Variants in CPNE4 observed in about 807,000 individuals in gnomAD.
CPNE4 encodes the protein copine-4.
In CPNE4, 25 loss-of-function variants were observed where a neutral mutation model predicts 67.9. The observed-to-expected ratio is 0.37, with a 90% CI of 0.27 to 0.51. The LOEUF is 0.51. Among genes scored for constraint, CPNE4 ranks in the 20% least tolerant of loss-of-function variants. CPNE4 has a pLI of 0.93. For synonymous variants in CPNE4, 242 were observed against 244.9 expected (o/e 0.99, Z 0.11); for missense variants, 464 against 690.8 (o/e 0.67, Z 3.68).
intron 1 of CPNE4, among the ~76,000 whole-genome samples, chr3:131,960,237 C>T (rs929524698): frequency 1.3e-5 from 2 of 151,986 alleles, no homozygotes; most frequent in Non-Finnish European, 2.9e-5. Flanking sequence ...TATCTTCTGA[C>T]AATGTTTATT....
At chr3:131,928,928 G>C (rs956833892) in intron 1 of CPNE4, among the ~76,000 whole-genome samples, 9 of 152,150 alleles carry the variant, frequency 5.9e-5, no homozygotes, top group Non-Finnish European at 4.4e-5. Context: ...AGGAGGCTCT[G>C]GATGGTGTCC....
intron 2 of CPNE4, among the ~76,000 whole-genome samples, chr3:131,873,043 AAAAT>A (rs2087287568): frequency 6.6e-6 from 1 of 152,224 alleles, no homozygotes; most frequent in African/African-American, 2.4e-5. Flanking sequence ...ACGGTAATAG[AAAAT>A]AAATAGTGAT....
intron 2 of CPNE4, among the ~76,000 whole-genome samples, chr3:131,731,298 T>C (rs1380519188): frequency 6.6e-6 from 1 of 152,220 alleles, no homozygotes; most frequent in Non-Finnish European, 1.5e-5. Flanking sequence ...GGTTGCATCC[T>C]TGCTTAGGAA....
chr3:131,797,588 G>A (rs183462672), intron 2 of CPNE4, among the ~76,000 whole-genome samples: 7 of 152,238 alleles, frequency 4.6e-5, no homozygotes, highest in East Asian at 3.9e-4. Context: ...CTAGGACCAC[G>A]GAAATGAGAA....
At chr3:131,917,992 T>C (rs1381607263) in intron 1 of CPNE4, among the ~76,000 whole-genome samples, 1 of 152,184 alleles carries the variant, frequency 6.6e-6, no homozygotes, top group African/African-American at 2.4e-5. Flanking sequence ...GCAAGAGTAA[T>C]ACTCATGGAC....
intron 14 of CPNE4, among the ~76,000 whole-genome samples, chr3:131,544,380 A>G (rs1440906109): frequency 6.6e-6 from 1 of 152,184 alleles, no homozygotes; most frequent in Non-Finnish European, 1.5e-5. Context: ...GAAAAATGTA[A>G]GCTGGAGGTA....
chr3:131,578,887 T>A (rs1455473721), intron 9 of CPNE4, among the ~76,000 whole-genome samples: 1 of 152,200 alleles, frequency 6.6e-6, no homozygotes, highest in Admixed American at 6.5e-5. Flanking sequence ...AGAAACTGTC[T>A]CTGTAACATA....
At position 131,926,190 on chromosome 3, in the gene CPNE4, C is replaced by CA. The variant is rs1355018877; in HGVS notation, c.-1-20747dup. Among the ~76,000 whole-genome samples the CA allele has an allele frequency of 4.6e-5, 7 of 152,020 alleles. No homozygotes were observed. In the East Asian group the frequency reaches 1.2e-3, roughly 25 times the overall value. ...GGCAGGTGTGAGTCAGAGGGGTTAA[C>CA]AAAAAAATTGTGAGAAACCCCAAGG... On this transcript the variant is annotated intron_variant, in intron 1 of 15. Coordinates refer to ENST00000429747, the MANE Select transcript of CPNE4 (RefSeq NM_130808.3).
In CPNE4 at chr3:131,807,315, T is replaced by C. The variant is rs561343020; in HGVS notation, c.181-83690A>G. ...GGGCATCTCACAGGCAAATTTATAGTTTTGGGTTTTAAAAATTGTTTCTAA... is the reference window on the plus strand; with the variant it reads ...GGGCATCTCACAGGCAAATTTATAGCTTTGGGTTTTAAAAATTGTTTCTAA... On this transcript the variant is annotated intron_variant, in intron 2 of 15. Coordinates refer to ENST00000429747, the MANE Select transcript of CPNE4 (RefSeq NM_130808.3). Among the ~76,000 whole-genome samples the C allele has an allele frequency of 7.9e-5, 12 of 152,266 alleles. No individual in the cohort carries two copies. In the South Asian group the frequency reaches 2.3e-3, roughly 29 times the overall value.
chr3:131,757,762 A>G (rs924982446), intron 2 of CPNE4, among the ~76,000 whole-genome samples: 2 of 152,196 alleles, frequency 1.3e-5, no homozygotes, highest in African/African-American at 4.8e-5. Flanking sequence ...AAGTGGTTTC[A>G]TGGGCTGAGC....
intron 14 of CPNE4, among the ~76,000 whole-genome samples, chr3:131,545,992 T>C (rs1426911454): frequency 6.6e-6 from 1 of 151,824 alleles, no homozygotes; most frequent in East Asian, 1.9e-4. Flanking sequence ...AACTAGGGAG[T>C]CAGAGGTTGC....
At chr3:131,814,893 C>G (rs937596444) in intron 2 of CPNE4, among the ~76,000 whole-genome samples, 5 of 136,324 alleles carry the variant, frequency 3.7e-5, no homozygotes, top group African/African-American at 7.5e-5. Flanking sequence ...CGTGAGCCAC[C>G]GCGCCCGGCC....
intron 1 of CPNE4, among the ~76,000 whole-genome samples, chr3:132,006,671 G>A (rs1026916461): frequency 6.9e-6 from 1 of 145,110 alleles, no homozygotes; most frequent in Non-Finnish European, 1.5e-5. Flanking sequence ...TTTTGTTGTT[G>A]TTCTCTGGGC....
chr3:131,769,427 T>C (rs181810861), intron 2 of CPNE4, among the ~76,000 whole-genome samples: 2 of 152,216 alleles, frequency 1.3e-5, no homozygotes, highest in African/African-American at 4.8e-5. Context: ...GCAGACAAGA[T>C]GGCTACCAGC....
At chr3:131,904,528 C>T (rs2107773543) in intron 2 of CPNE4, among the ~76,000 whole-genome samples, 1 of 152,152 alleles carries the variant, frequency 6.6e-6, no homozygotes, top group Non-Finnish European at 1.5e-5. Flanking sequence ...TACGATTTGT[C>T]CTGGGTCAGC....
intron 7 of CPNE4, among the ~76,000 whole-genome samples, chr3:131,640,478 C>G (rs922291505): frequency 1.3e-5 from 2 of 152,156 alleles, no homozygotes; most frequent in South Asian, 4.2e-4. Context: ...AAGACTTCTG[C>G]AAGGGAAACT....
At chr3:131,835,249 C>T (rs769071500) in intron 2 of CPNE4, among the ~76,000 whole-genome samples, 65 of 152,252 alleles carry the variant, frequency 4.3e-4, no homozygotes, top group Non-Finnish European at 9.0e-4. Flanking sequence ...GGCCCAGGGG[C>T]CAGGTGCGGA....
chr3:131,708,567 G>A (rs927729045), intron 3 of CPNE4, among the ~76,000 whole-genome samples: 5 of 152,094 alleles, frequency 3.3e-5, no homozygotes, highest in Non-Finnish European at 7.3e-5. Flanking sequence ...GATGTCTCCT[G>A]TCTTCACTGT....
chr3:131,648,254 C>T (rs976826355), intron 7 of CPNE4, among the ~76,000 whole-genome samples: 1 of 152,158 alleles, frequency 6.6e-6, no homozygotes, highest in Admixed American at 6.5e-5. Flanking sequence ...CATCTGTAGT[C>T]CCAGCTACTT....
Sources: gnomAD v4.1 joint callset for allele counts (sites outside exome capture counted in the v4.1 genomes callset) on GRCh38, gnomAD v4.1.1 for gene constraint, MANE v1.5 for transcripts, NCBI Gene and HGNC (gene_info 2026-07-23, HGNC 2026-07-21) for gene names.